Variants in BTBD9 observed in about 807,000 individuals in gnomAD.
The protein encoded by BTBD9 is BTB/POZ domain-containing protein 9.
BTBD9 carries 49 observed loss-of-function variants against 64.3 expected under a neutral mutation model. The observed-to-expected ratio is 0.76, with a 90% CI of 0.61 to 0.97. BTBD9 has a LOEUF of 0.97. Among genes scored for constraint, BTBD9 ranks in the 50% least tolerant of loss-of-function variants. BTBD9 has a pLI of 0.00. For synonymous variants in BTBD9, 260 were observed against 274.7 expected (o/e 0.95, Z 0.53); for missense variants, 598 against 762.1 (o/e 0.78, Z 2.53).
chr6:38,295,347 A>G (rs1762120601), intron 7 of BTBD9, among the ~76,000 whole-genome samples: 1 of 151,258 alleles, frequency 6.6e-6, no homozygotes, highest in Admixed American at 6.6e-5. Flanking sequence ...TAAATTTTTT[A>G]TAGAGACGAG....
At chr6:38,416,242 A>AC (rs1767660315) in intron 6 of BTBD9, among the ~76,000 whole-genome samples, 1 of 151,850 alleles carries the variant, frequency 6.6e-6, no homozygotes, top group African/African-American at 2.4e-5. Context: ...GGCGTGAGCT[A>AC]CCCTGCCTAC....
intron 6 of BTBD9, among the ~76,000 whole-genome samples, chr6:38,549,875 T>C (rs1189903540): frequency 1.3e-5 from 2 of 152,146 alleles, no homozygotes; most frequent in Non-Finnish European, 2.9e-5. Context: ...TCATCAATCA[T>C]CAGTTTTAAT....
At chr6:38,631,469 A>C (rs1381619689) in intron 1 of BTBD9, among the ~76,000 whole-genome samples, 1 of 152,216 alleles carries the variant, frequency 6.6e-6, no homozygotes, top group African/African-American at 2.4e-5. Context: ...CAAATATAGA[A>C]GGAGTAACAG....
chr6:38,270,727 A>G (rs760650157), intron 8 of BTBD9, among the ~76,000 whole-genome samples: 1 of 152,216 alleles, frequency 6.6e-6, no homozygotes, highest in Non-Finnish European at 1.5e-5. Context: ...AAAGGAAAAC[A>G]GTGAAGTTAC....
At chr6:38,244,438 C>A (rs1435461146) in intron 9 of BTBD9, among the ~76,000 whole-genome samples, 1 of 152,032 alleles carries the variant, frequency 6.6e-6, no homozygotes, top group Non-Finnish European at 1.5e-5. Context: ...GATGCTCTGG[C>A]AGGCAGTTTA....
intron 6 of BTBD9, among the ~76,000 whole-genome samples, chr6:38,395,534 C>A (rs527871235): frequency 1.3e-5 from 2 of 152,266 alleles, no homozygotes; most frequent in African/African-American, 4.8e-5. Context: ...GCACCTTGAT[C>A]TTGGACTTCT....
intron 6 of BTBD9, among the ~76,000 whole-genome samples, chr6:38,371,707 C>T (rs1463907553): frequency 1.3e-5 from 2 of 152,174 alleles, no homozygotes; most frequent in African/African-American, 4.8e-5. Flanking sequence ...AATCTGCACA[C>T]CAGCACATTG....
chr6:38,583,309 G>A (rs2127479463), intron 4 of BTBD9, among the ~76,000 whole-genome samples: 1 of 152,202 alleles, frequency 6.6e-6, no homozygotes, highest in Non-Finnish European at 1.5e-5. Context: ...AGACCAACCT[G>A]ACCAACATGG....
At chr6:38,503,861 T>C (rs899688357) in intron 6 of BTBD9, among the ~76,000 whole-genome samples, 1 of 152,228 alleles carries the variant, frequency 6.6e-6, no homozygotes, top group African/African-American at 2.4e-5. Context: ...ACTCCTTCAG[T>C]TGGTCAAGAA....
chr6:38,317,017 G>A (rs1459913698), intron 7 of BTBD9, among the ~76,000 whole-genome samples: 1 of 151,334 alleles, frequency 6.6e-6, no homozygotes, highest in Admixed American at 6.6e-5. Context: ...TTTTTTTTTA[G>A]ATGGAGTCTT....
At chr6:38,398,833 T>G (rs1272897722) in intron 6 of BTBD9, among the ~76,000 whole-genome samples, 1 of 152,218 alleles carries the variant, frequency 6.6e-6, no homozygotes, top group Non-Finnish European at 1.5e-5. Context: ...TTAATTTAAT[T>G]TGTGGCCAGA....
intron 6 of BTBD9, among the ~76,000 whole-genome samples, chr6:38,411,591 T>C (rs1461300798): frequency 1.3e-5 from 2 of 152,082 alleles, no homozygotes; most frequent in African/African-American, 4.8e-5. Flanking sequence ...TACATGAGGA[T>C]AAATTCCAAA....
At position 38,183,187 on chromosome 6, in the gene BTBD9, A is replaced by G. The variant is rs192001975; in HGVS notation, c.1642-8005T>C. On this transcript the variant is annotated intron_variant, in intron 10 of 10. Transcript: ENST00000481247. The stretch of plus-strand genomic sequence containing the variant: ...AGTAGAGATGGGGTTTCACCGTGTT[A>G]GCCAGGATGGTCTCGATCTGACCTC... Among the ~76,000 whole-genome samples, 28 of 152,296 alleles carry G rather than the reference A, an allele frequency of 1.8e-4. No homozygotes were observed. In the East Asian group the frequency reaches 2.7e-3, roughly 15 times the overall value.
chr6:38,328,465 G>C (rs1763525467), intron 7 of BTBD9, among the ~76,000 whole-genome samples: 1 of 152,032 alleles, frequency 6.6e-6, no homozygotes, highest in Non-Finnish European at 1.5e-5. Context: ...CAAGGAGAGA[G>C]ACCTTAGAAG....
chr6:38,416,110 G>A (rs1040296645), intron 6 of BTBD9, among the ~76,000 whole-genome samples: 1 of 152,152 alleles, frequency 6.6e-6, no homozygotes, highest in Admixed American at 6.5e-5. Context: ...TATGAGACTG[G>A]AGAAAAACAC....
intron 10 of BTBD9, among the ~76,000 whole-genome samples, chr6:38,185,370 T>C (rs55960940): frequency 0.14 from 20,836 of 152,190 alleles, 1,767 homozygotes; most frequent in Non-Finnish European, 0.19. Flanking sequence ...GTACACAGCA[T>C]GCTCAGAGCC....
At chr6:38,216,055 C>T (rs1397948512) in intron 9 of BTBD9, among the ~76,000 whole-genome samples, 1 of 152,158 alleles carries the variant, frequency 6.6e-6, no homozygotes, top group Non-Finnish European at 1.5e-5. Flanking sequence ...TGAAGAAGCA[C>T]GGCTCTGTTC....
chr6:38,491,523 T>C (rs1771702009), intron 6 of BTBD9, among the ~76,000 whole-genome samples: 1 of 152,248 alleles, frequency 6.6e-6, no homozygotes, highest in Non-Finnish European at 1.5e-5. Context: ...GCTACTTTAG[T>C]AGTTATTTAT....
At chr6:38,600,573 C>T (rs1026262778) in intron 1 of BTBD9, among the ~76,000 whole-genome samples, 4 of 151,854 alleles carry the variant, frequency 2.6e-5, no homozygotes, top group Non-Finnish European at 4.4e-5. Context: ...TTTCAATGAT[C>T]GTGCATGATT....
Sources: allele counts gnomAD v4.1 joint callset (sites outside exome capture counted in the v4.1 genomes callset), GRCh38; gene constraint gnomAD v4.1.1; transcripts MANE v1.5; gene names NCBI Gene and HGNC (gene_info 2026-07-23, HGNC 2026-07-21).